DCAF6: variants seen among roughly 807,000 people sequenced by gnomAD.
The protein encoded by DCAF6 is DDB1- and CUL4-associated factor 6.
In DCAF6, 54 loss-of-function variants were observed where a neutral mutation model predicts 125.1. The ratio of observed to expected loss-of-function variants is 0.43; its 90% CI spans 0.35 to 0.54. DCAF6 has a LOEUF of 0.54. Ranked by LOEUF, DCAF6 falls within the 20% of genes least tolerant of loss-of-function variation. DCAF6 has a pLI of 0.01. For synonymous variants in DCAF6, 371 were observed against 390.4 expected (o/e 0.95, Z 0.58); for missense variants, 934 against 1,161.7 (o/e 0.80, Z 2.85).
intron 21 of DCAF6, among the ~76,000 whole-genome samples, chr1:168,070,389 C>T (rs1692879194): frequency 6.6e-6 from 1 of 152,072 alleles, no homozygotes; most frequent in African/African-American, 2.4e-5. Flanking sequence ...TGTGCATATT[C>T]AGGAGAGTTA....
the DCAF6 span, chr1:167,880,614 G>C: frequency 6.2e-7 from 1 of 1,600,030 alleles, no homozygotes; most frequent in Admixed American, 1.7e-5. Flanking sequence ...GCAGCCCTGT[G>C]AGGGAGAGAG....
chr1:167,916,670 G>A, the DCAF6 span: 8 of 152,296 alleles, frequency 5.3e-5, no homozygotes, highest in East Asian at 1.5e-3. Flanking sequence ...ACTGACAAGA[G>A]GGGCTTAGGA....
intron 1 of DCAF6, among the ~76,000 whole-genome samples, chr1:167,938,029 T>A (rs1436550071): frequency 6.6e-6 from 1 of 152,236 alleles, no homozygotes; most frequent in African/African-American, 2.4e-5. Context: ...TTGTAAATTA[T>A]TTAAGAAAAG....
chr1:167,985,241 G>A (rs1335369447), intron 4 of DCAF6, among the ~76,000 whole-genome samples: 1 of 151,996 alleles, frequency 6.6e-6, no homozygotes, highest in Non-Finnish European at 1.5e-5. Context: ...GTGTGTGCGT[G>A]CGCGTGTGCA....
At chr1:167,912,662 G>A in the DCAF6 span, among the ~76,000 whole-genome samples, 18 of 152,168 alleles carry the variant, frequency 1.2e-4, no homozygotes, top group Non-Finnish European at 1.8e-4. Context: ...GTATGGGGGA[G>A]CTTCTTCCCT....
chr1:167,900,436 A>G, the DCAF6 span, among the ~76,000 whole-genome samples: 1 of 152,216 alleles, frequency 6.6e-6, no homozygotes, highest in African/African-American at 2.4e-5. Context: ...ATCATTCTCA[A>G]GAAGGATAAC....
the DCAF6 span, among the ~76,000 whole-genome samples, chr1:167,883,184 C>T: frequency 3.9e-5 from 6 of 152,218 alleles, no homozygotes; most frequent in Admixed American, 1.3e-4. Context: ...ATTACAGGCA[C>T]GTGCCACCGC....
chr1:168,015,486 T>A (rs1684842227), intron 10 of DCAF6, among the ~76,000 whole-genome samples: 1 of 121,220 alleles, frequency 8.2e-6, no homozygotes, highest in Admixed American at 7.9e-5. Context: ...TCTATGTTCA[T>A]TTTGAAATCT....
the DCAF6 span, among the ~76,000 whole-genome samples, chr1:167,888,240 G>T: frequency 6.6e-6 from 1 of 152,110 alleles, no homozygotes; most frequent in Non-Finnish European, 1.5e-5. Flanking sequence ...TTTTGCTTCA[G>T]ATAGCTTTGG....
chr1:167,884,884 G>T, the DCAF6 span, among the ~76,000 whole-genome samples: 1 of 151,988 alleles, frequency 6.6e-6, no homozygotes, highest in Non-Finnish European at 1.5e-5. Flanking sequence ...TTTTAGTAGA[G>T]ACGGGGTTTC....
intron 9 of DCAF6, 95 bp downstream of exon 9, chr1:168,004,084 T>C: frequency 1.4e-6 from 2 of 1,394,256 alleles, no homozygotes; most frequent in Non-Finnish European, 9.8e-7. Flanking sequence ...ATACCATGTT[T>C]TACATCTGTA....
chr1:167,908,186 A>T, the DCAF6 span, among the ~76,000 whole-genome samples: 4 of 152,246 alleles, frequency 2.6e-5, no homozygotes, highest in African/African-American at 9.6e-5. Context: ...TAAAGAAAAC[A>T]TTGGATAATG....
At position 167,954,483 on chromosome 1, in the gene DCAF6, C is replaced by T. The variant is rs570747345; in HGVS notation, c.159+2622C>T. Among the ~76,000 whole-genome samples, 304 of 151,580 alleles carry T rather than the reference C, an allele frequency of 2.0e-3. 1 individual carries two copies. Among genetic ancestry groups the T allele is most frequent in the African/African-American group, 7.0e-3 (290 of 41,290 alleles). On this transcript the variant is annotated intron_variant, in intron 2 of 21. Transcript: ENST00000367840. Reference sequence around the variant, plus strand: ...TTTTTATTTTTTTGAGATGGAGTCTCGCTGTGCCACCCAGGCTGGAGTGCA... The same window carrying T: ...TTTTTATTTTTTTGAGATGGAGTCTTGCTGTGCCACCCAGGCTGGAGTGCA...
At chr1:167,930,400 T>C in the DCAF6 span, among the ~76,000 whole-genome samples, 2 of 152,290 alleles carry the variant, frequency 1.3e-5, no homozygotes, top group East Asian at 3.9e-4. Context: ...CACTCATAAA[T>C]CAGGCAAATG....
intron 17 of DCAF6, chr1:168,056,492 G>A: frequency 1.4e-6 from 1 of 733,168 alleles, no homozygotes; most frequent in Non-Finnish European, 1.7e-6. Flanking sequence ...GCGGGGAGGG[G>A]CCCAGGCTTA....
At chr1:167,985,194 T>TGTGG (rs1679787565) in intron 4 of DCAF6, among the ~76,000 whole-genome samples, 1 of 149,756 alleles carries the variant, frequency 6.7e-6, no homozygotes, top group Non-Finnish European at 1.5e-5. Flanking sequence ...CGTGTGTGTG[T>TGTGG]GTGTGTGTGT....
the DCAF6 span, among the ~76,000 whole-genome samples, chr1:167,866,016 G>A: frequency 4.6e-3 from 697 of 152,350 alleles, 5 homozygotes; most frequent in Non-Finnish European, 7.1e-3. Context: ...TCACCACAGA[G>A]AGGAAACTTA....
In DCAF6 at chr1:167,991,312, C is replaced by T. The variant is rs776926593; in HGVS notation, c.661C>T (p.Arg221Trp). 3.1e-6 allele frequency: 5 copies of T among 1,612,390 alleles called. No homozygotes were observed. The highest frequency in any genetic ancestry group is 1.7e-5 in the Admixed American group (1 of 59,822). Residue 221 changes from arginine (R) to tryptophan (W), a missense_variant, in exon 6 of 22, where the codon CGG becomes TGG. Transcript: ENST00000367840. Reference protein sequence around the residue: ...CSDSSVRIYDRRMLGTRATGN... With the variant: ...CSDSSVRIYDWRMLGTRATGN... ...TGACAGCTCAGTACGAATATATGATCGGCGAATGCTGGGCACAAGAGCTAC... is the reference window on the plus strand; with the variant it reads ...TGACAGCTCAGTACGAATATATGATTGGCGAATGCTGGGCACAAGAGCTAC...
chr1:168,034,236 C>T (rs938317270), intron 12 of DCAF6, among the ~76,000 whole-genome samples: 17 of 152,176 alleles, frequency 1.1e-4, no homozygotes, highest in African/African-American at 3.9e-4. Flanking sequence ...GAAACCTCAG[C>T]GGGCACAGTG....
Sources: gnomAD v4.1 joint callset for allele counts (sites outside exome capture counted in the v4.1 genomes callset) on GRCh38, gnomAD v4.1.1 for gene constraint, MANE v1.5 for transcripts, NCBI Gene and HGNC (gene_info 2026-07-23, HGNC 2026-07-21) for gene names.